The following ITPR3 variants were observed in gnomAD, a reference collection of about 807,000 sequenced individuals.
ITPR3 encodes inositol 1,4,5-trisphosphate receptor type 3, also known as inositol 1,4,5-trisphosphate-gated calcium channel ITPR3.
A neutral mutation model predicts 293.2 loss-of-function variants in ITPR3; 173 were observed. The ratio of observed to expected loss-of-function variants is 0.59; its 90% confidence interval spans 0.52 to 0.67. The LOEUF (loss-of-function observed/expected upper bound fraction) is 0.67, where lower values mean the gene tolerates loss of function less well. Ranked by LOEUF, ITPR3 falls within the 30% of genes least tolerant of loss-of-function variation. The pLI is 0.00. For missense variants in ITPR3, 2,796 were observed against 3,592.1 expected (o/e 0.78, Z 5.66); for synonymous variants, 1,295 against 1,444.4 (o/e 0.90, Z 2.35).
intron 1 of ITPR3, among the ~76,000 whole-genome samples, chr6:33,636,366 G>C (rs990799069): frequency 1.3e-5 from 2 of 152,006 alleles, no homozygotes; most frequent in Non-Finnish European, 2.9e-5. Flanking sequence ...AGGGAGTGAA[G>C]GGGGAACCCA....
intron 1 of ITPR3, among the ~76,000 whole-genome samples, chr6:33,623,308 C>A (rs1763480065): frequency 7.0e-6 from 1 of 142,024 alleles, no homozygotes; most frequent in Non-Finnish European, 1.5e-5. Flanking sequence ...TGATGATTTT[C>A]AAGTGCCTGT....
At chr6:33,676,662 G>A in intron 25 of ITPR3, 106 bp from the exon 26 acceptor site, 1 of 1,305,078 alleles carries the variant, frequency 7.7e-7, no homozygotes, top group Non-Finnish European at 1.1e-6. Flanking sequence ...AGGGACAGGT[G>A]GTGGTCTACA....
chr6:33,679,923 T>C lies in ITPR3; in HGVS notation c.4014T>C (p.Asp1338=). 1 of 1,613,806 alleles carries C rather than the reference T, an allele frequency of 6.2e-7. No individual in the cohort carries two copies. Among genetic ancestry groups the C allele is most frequent in the Non-Finnish European group, 8.5e-7 (1 of 1,180,000 alleles). Residue 1338 remains aspartate (D), a synonymous_variant, in exon 31 of 58, where the codon GAT becomes GAC. Coordinates refer to ENST00000605930, the MANE Select transcript of ITPR3 (RefSeq NM_002224.4). This position sits in a 1 kb window ranked among gnomAD's most constrained non-coding sequence, Gnocchi z 4.2. ...ACGATGTGGTCGTGTTCTACAATGA[T>C]AAGGCATCGCTGGCCCACCTGCTGG... is the stretch of plus-strand genomic sequence containing the variant. ...AGDDVVVFYN[D]KASLAHLLDM...
rs1438477715 is a variant in ITPR3 at position 33,689,327 on chromosome 6, C to T, written c.6784C>T (p.Arg2262Cys). Residue 2262 changes from arginine to cysteine, a missense_variant, in exon 50 of 58, where the codon CGC (arginine) becomes TGC (cysteine). Around this residue, in one of 8 missense-constraint regions of ITPR3, gnomAD observed 568 missense variants for 796.1 expected, o/e 0.71. Coordinates refer to ENST00000605930, the MANE Select transcript of ITPR3 (RefSeq NM_002224.4). ...CCTGTTCACCAAGCGCTACAGCATCCGCCCCCTCATCGTGGCGCTCATCCT... is the reference window on the plus strand; with the variant it reads ...CCTGTTCACCAAGCGCTACAGCATCTGCCCCCTCATCGTGGCGCTCATCCT... ...AALFTKRYSI[R>C]PLIVALILRS... The T allele has an allele frequency of 3.1e-6, 5 of 1,612,732 alleles. No homozygotes were observed. The highest frequency in any genetic ancestry group is 4.2e-6 in the Non-Finnish European group (5 of 1,180,032).
Position 33,667,611 on chromosome 6 carries a change from A to G in ITPR3, c.1714-181A>G, listed in dbSNP as rs1764644945. Among the ~76,000 whole-genome samples the G allele has an allele frequency of 6.6e-6, 1 of 152,206 alleles. No individual in the cohort carries two copies. Among genetic ancestry groups the G allele is most frequent in the Admixed American group, 6.5e-5 (1 of 15,280 alleles). Reference sequence around the variant, plus strand: ...TTCGCTCTGGTGGGAAACAGCCCACAAGCTAAATAACTATGTAATGTAAGC... The same window carrying G: ...TTCGCTCTGGTGGGAAACAGCCCACGAGCTAAATAACTATGTAATGTAAGC... On this transcript the variant is annotated intron_variant, in intron 15 of 57. Coordinates refer to ENST00000605930, the MANE Select transcript of ITPR3 (RefSeq NM_002224.4). The surrounding 1 kb of genome is among the most constrained non-coding windows in gnomAD (Gnocchi z 4.4).
rs374522394 is a variant in ITPR3, at chr6:33,684,073, G to C, written c.4842G>C (p.Leu1614=). Residue 1614 remains leucine (L), a synonymous_variant, in exon 36 of 58, where the codon CTG becomes CTC. Transcript: ENST00000605930. The surrounding 1 kb of genome is among the most constrained non-coding windows in gnomAD (Gnocchi z 4.2). ...TGAAGCCCCTGGTACAGGCTGAGCT[G>C]TCCGTGCTGGTGGATGTCCTGCACT... is the stretch of plus-strand genomic sequence containing the variant. ...ERLKPLVQAE[L]SVLVDVLHWP... The C allele has an allele frequency of 6.8e-6, 11 of 1,611,514 alleles. No homozygotes were observed. The East Asian group carries it at 1.1e-4, about 16-fold the overall frequency.
Position 33,684,029 on chromosome 6 carries a change from AC to A in ITPR3, c.4799del (p.Thr1600LysfsTer7). The A allele has an allele frequency of 1.2e-6, 2 of 1,607,066 alleles. No homozygotes were observed. Among genetic ancestry groups the A allele is most frequent in the Non-Finnish European group, 1.7e-6 (2 of 1,177,434 alleles). On this transcript the variant is annotated frameshift_variant, in exon 36 of 58. Coordinates refer to ENST00000605930, the MANE Select transcript of ITPR3 (RefSeq NM_002224.4). LOFTEE classifies it high-confidence loss of function. The surrounding 1 kb of genome is among the most constrained non-coding windows in gnomAD (Gnocchi z 4.2). ...NIIEKLQDII[T>X]ALEERLKPLV... ...GCCCTGCCCACCCCAGGACATCATC[AC>A]AGCCCTGGAGGAGCGGCTGAAGCCC...
chr6:33,683,282 G>A lies in ITPR3; in HGVS notation c.4673G>A (p.Cys1558Tyr). 2 of 1,575,762 alleles carry A rather than the reference G, an allele frequency of 1.3e-6. No homozygotes were observed. The highest frequency in any genetic ancestry group is 1.7e-6 in the Non-Finnish European group (2 of 1,161,042). Residue 1558 changes from cysteine to tyrosine, a missense_variant, in exon 35 of 58, where the codon TGT becomes TAT. Physicochemically the swap from Cys to Tyr is radical, Grantham distance 194 (BLOSUM62 -2). Around this residue, in one of 8 missense-constraint regions of ITPR3, gnomAD observed 704 missense variants for 797.5 expected, o/e 0.88. Coordinates refer to ENST00000605930, the MANE Select transcript of ITPR3 (RefSeq NM_002224.4). The surrounding 1 kb of genome is among the most constrained non-coding windows in gnomAD (Gnocchi z 4.5). ...TCGATGCTCAGCAGTGGAGCCAGCT[G>A]TGCAGCTGCCGCCCAGCGGAACGCC... ...ISSMLSSGAS[C>Y]AAAAQRNASS... is the part of the protein sequence containing the mutation.
At position 33,679,281 on chromosome 6, in the gene ITPR3, T is replaced by C. The variant is rs10947428; in HGVS notation, c.3972+442T>C. 0.25 allele frequency among the ~76,000 whole-genome samples: 37,825 copies of C among 151,992 alleles called. 5,733 individuals are homozygous for C. The highest frequency in any genetic ancestry group is 0.42 in the African/African-American group (17,564 of 41,398). ...CCAGTGTGTGGCGCATAGTAGGTTCTCAACAGACACCTGTTGAGTGAAGGC... is the reference window on the plus strand; with the variant it reads ...CCAGTGTGTGGCGCATAGTAGGTTCCCAACAGACACCTGTTGAGTGAAGGC... On this transcript the variant is annotated intron_variant, in intron 30 of 57. Coordinates refer to ENST00000605930, the MANE Select transcript of ITPR3 (RefSeq NM_002224.4). This position sits in a 1 kb window ranked among gnomAD's most constrained non-coding sequence, Gnocchi z 4.2.
In ITPR3 at chr6:33,685,635, G is replaced by A. The variant is rs774772826; in HGVS notation, c.5483-8G>A. 7.6e-6 allele frequency: 12 copies of A among 1,580,956 alleles called. No homozygotes were observed. Among genetic ancestry groups the A allele is most frequent in the Middle Eastern group, 3.4e-4 (2 of 5,904 alleles). ...GGCAGCTCCAGCCTCACCAGGTCTC[G>A]CCCACAGGCCGCGTGGCCTCCTTCT... On this transcript the variant is annotated splice_region_variant and splice_polypyrimidine_tract_variant and intron_variant, in intron 40 of 57. Coordinates refer to ENST00000605930, the MANE Select transcript of ITPR3 (RefSeq NM_002224.4).
chr6:33,688,996 C>T lies in ITPR3; in HGVS notation c.6694+215C>T, dbSNP rs192669650. On this transcript the variant is annotated intron_variant, in intron 49 of 57. Coordinates refer to ENST00000605930, the MANE Select transcript of ITPR3 (RefSeq NM_002224.4). ...GGGTCTTTGACCTCATGGGAGATGGCGCATGCAGGCACGTGCACACGCATA... is the reference window on the plus strand; with the variant it reads ...GGGTCTTTGACCTCATGGGAGATGGTGCATGCAGGCACGTGCACACGCATA... 3.1e-4 allele frequency among the ~76,000 whole-genome samples: 47 copies of T among 152,312 alleles called. 1 individual carries two copies. Among genetic ancestry groups the T allele is most frequent in the Admixed American group, 2.6e-3 (40 of 15,302 alleles).
chr6:33,688,779 C>T lies in ITPR3; in HGVS notation c.6692C>T (p.Thr2231Ile), dbSNP rs748892641. The T allele has an allele frequency of 6.2e-7, 1 of 1,614,178 alleles. No individual in the cohort carries two copies. Among genetic ancestry groups the T allele is most frequent in the South Asian group, 1.1e-5 (1 of 91,078 alleles). The change falls in exon 49 of 58, where the codon ACA becomes ATA. Residue 2231 changes from threonine (T) to isoleucine (I), a missense_variant and splice_region_variant. By Grantham distance (89) the Thr-to-Ile change is moderately conservative (BLOSUM62 -1). Coordinates refer to ENST00000605930, the MANE Select transcript of ITPR3 (RefSeq NM_002224.4). ...FFYPYMEGAS[T>I]GVLDSPLISL... is the part of the protein sequence containing the mutation. ...TACCCTTACATGGAGGGCGCGTCCA[C>T]AGGTGAGAACACAGGGCTGGCCGGC...
At chr6:33,690,264 G>C (rs1765355058) in intron 51 of ITPR3, 66 bp downstream of exon 51, 1 of 1,454,598 alleles carries the variant, frequency 6.9e-7, no homozygotes, top group South Asian at 1.2e-5. Flanking sequence ...CCCATGAGTT[G>C]TTGGCAGTTC....
chr6:33,668,267 C>T (rs1474227266), intron 16 of ITPR3, among the ~76,000 whole-genome samples: 1 of 152,186 alleles, frequency 6.6e-6, no homozygotes, highest in East Asian at 1.9e-4. Flanking sequence ...TGAATATCAC[C>T]TCGGCCCTTG....
chr6:33,636,212 G>A (rs9368769), intron 1 of ITPR3, among the ~76,000 whole-genome samples: 45,445 of 150,726 alleles, frequency 0.3, 7,536 homozygotes, highest in East Asian at 0.48. Context: ...TGAGGCAGGA[G>A]AATTGCTTGA....
At position 33,666,280 on chromosome 6, in the gene ITPR3, G is replaced by A. The variant is rs1025270887; in HGVS notation, c.1551+304G>A. ...TTGAGCTTGTGATGTTGGGTCCAGA[G>A]CTGTGCTTCAAAAAATTTTTTTAAA... On this transcript the variant is annotated intron_variant, in intron 14 of 57. Coordinates refer to ENST00000605930, the MANE Select transcript of ITPR3 (RefSeq NM_002224.4). This position sits in a 1 kb window ranked among gnomAD's most constrained non-coding sequence, Gnocchi z 5.1. Among the ~76,000 whole-genome samples the A allele has an allele frequency of 3.4e-4, 50 of 145,310 alleles. 2 individuals carry two copies.
At chr6:33,677,698 C>G (rs1011523894) in intron 28 of ITPR3, 69 bp downstream of exon 28, 50 of 1,565,454 alleles carry the variant, frequency 3.2e-5, no homozygotes, top group Non-Finnish European at 2.6e-6. Context: ...GACCTGTATG[C>G]TAGGCCCTAA....
intron 1 of ITPR3, among the ~76,000 whole-genome samples, chr6:33,623,800 G>T (rs1281713807): frequency 6.6e-6 from 1 of 152,116 alleles, no homozygotes; most frequent in Non-Finnish European, 1.5e-5. Context: ...AGATCCTGGT[G>T]ACCTCTAGAA....
rs1417804540 is a variant in ITPR3 at position 33,654,726 on chromosome 6, G to A, written c.161-1040G>A. The stretch of plus-strand genomic sequence containing the variant: ...ACACTGCCAGAGCATTGTACAATCA[G>A]GGACTCACACAGCTGCAGCATGAGA... On this transcript the variant is annotated intron_variant, in intron 2 of 57. Transcript: ENST00000605930. The surrounding 1 kb of genome is among the most constrained non-coding windows in gnomAD (Gnocchi z 4.1). 2.6e-5 allele frequency among the ~76,000 whole-genome samples: 4 copies of A among 152,162 alleles called. No homozygotes were observed. The East Asian group carries it at 7.7e-4, about 29-fold the overall frequency.
Sources: allele counts gnomAD v4.1 joint callset (sites outside exome capture counted in the v4.1 genomes callset), GRCh38; gene constraint gnomAD v4.1.1; regional missense constraint gnomAD v4.1.1; non-coding constraint Gnocchi (gnomAD v3.1); transcripts MANE v1.5; gene names NCBI Gene and HGNC (gene_info 2026-07-23, HGNC 2026-07-21).